CSMD2: variants seen among roughly 807,000 people sequenced by gnomAD.
The protein encoded by CSMD2 is CUB and Sushi multiple domains 2.
A neutral mutation model predicts 398.5 loss-of-function variants in CSMD2; 130 were observed. That is an observed-to-expected ratio of 0.33 (90% CI 0.28 to 0.38). The LOEUF (loss-of-function observed/expected upper bound fraction) is 0.38, where lower values mean the gene tolerates loss of function less well. CSMD2 is among the 10% of genes least tolerant of loss of function. CSMD2 has a pLI of 1.00. For missense variants in CSMD2, 3,829 were observed against 4,764.9 expected (o/e 0.80, Z 5.78); for synonymous variants, 1,828 against 1,908.5 (o/e 0.96, Z 1.10).
chr1:33,835,929 G>C (rs1660201448), intron 6 of CSMD2, among the ~76,000 whole-genome samples: 1 of 152,176 alleles, frequency 6.6e-6, no homozygotes, highest in Admixed American at 6.5e-5. Context: ...TTTGGAGGAG[G>C]AGAGGAGCTC....
Position 33,954,406 on chromosome 1 carries a change from G to T in CSMD2, c.518-18452C>A, listed in dbSNP as rs180761807. Among the ~76,000 whole-genome samples, 588 of 151,988 alleles carry T rather than the reference G, an allele frequency of 3.9e-3. 5 individuals carry two copies. The highest frequency in any genetic ancestry group is 0.013 in the African/African-American group (558 of 41,416). On this transcript the variant is annotated intron_variant, in intron 3 of 70. Coordinates refer to ENST00000373381, the MANE Select transcript of CSMD2 (RefSeq NM_001281956.2). The stretch of plus-strand genomic sequence containing the variant: ...TGGGGGTGGCAGTTCTGTTGGTGGT[G>T]GGGGGAGGGAACACTGACTTAACTC...
rs1378666013 is a variant in CSMD2, at chr1:33,519,381, G to A, written c.*53+84C>T. Reference sequence around the variant, plus strand: ...CTGGGTGTGTCTATGTGGTGTGTGCGACTCCGTTGGGTGGAGCCCCTGGCA... The same window carrying A: ...CTGGGTGTGTCTATGTGGTGTGTGCAACTCCGTTGGGTGGAGCCCCTGGCA... On this transcript the variant is annotated intron_variant, in intron 70 of 70. Coordinates refer to ENST00000373381, the MANE Select transcript of CSMD2 (RefSeq NM_001281956.2). This position sits in a 1 kb window ranked among gnomAD's most constrained non-coding sequence, Gnocchi z 5.6. The A allele has an allele frequency of 5.0e-6, 4 of 793,016 alleles. No individual in the cohort carries two copies. The highest frequency in any genetic ancestry group is 1.6e-5 in the South Asian group (1 of 61,648). 49.1% of individuals were successfully genotyped at this position (793,016 alleles called of 1,614,324 possible).
At chr1:33,825,810 G>T in intron 6 of CSMD2, 36 bp from the exon 7 acceptor site, 1 of 1,562,722 alleles carries the variant, frequency 6.4e-7, no homozygotes, top group Non-Finnish European at 8.8e-7. Flanking sequence ...AATGTGAGTT[G>T]TTGCCTGTGA....
Position 33,572,568 on chromosome 1 carries a change from G to A in CSMD2, c.7700C>T (p.Ala2567Val). Residue 2567 changes from alanine to valine, a missense_variant, in exon 50 of 71, where the codon GCC becomes GTC. This residue lies in a region of CSMD2 where 723 missense variants were observed against 758.6 expected (regional missense o/e 0.95). Transcript: ENST00000373381. The stretch of plus-strand genomic sequence containing the variant: ...GCCTGTGTCCAGACACTCTGCAGTG[G>A]CCTCAGCGCCTGCCTGGAGGTGGTA... ...EGYHLQAGAE[A>V]TAECLDTGLW... The A allele has an allele frequency of 6.2e-7, 1 of 1,614,090 alleles. No homozygotes were observed. Among genetic ancestry groups the A allele is most frequent in the Non-Finnish European group, 8.5e-7 (1 of 1,180,004 alleles).
chr1:33,839,436 AC>A, intron 6 of CSMD2: 1 of 154,952 alleles, frequency 6.5e-6, no homozygotes, highest in Non-Finnish European at 1.5e-5. Context: ...AGAGAGCTTG[AC>A]CCTAAAGCTT....
In CSMD2 at chr1:33,735,267, C is replaced by A. The variant is rs567131925; in HGVS notation, c.2368+3873G>T. The stretch of plus-strand genomic sequence containing the variant: ...GCAGGTGACTTAACCTGTCTGTGTC[C>A]TAGCAGGGACAATAACGACATCTAT... On this transcript the variant is annotated intron_variant, in intron 15 of 70. Transcript: ENST00000373381. Among the ~76,000 whole-genome samples, 8 of 152,268 alleles carry A rather than the reference C, an allele frequency of 5.3e-5. No homozygotes were observed. In the East Asian group the frequency reaches 1.5e-3, roughly 29 times the overall value.
At chr1:33,806,446 C>T (rs1409215905) in intron 10 of CSMD2, among the ~76,000 whole-genome samples, 1 of 152,122 alleles carries the variant, frequency 6.6e-6, no homozygotes, top group Non-Finnish European at 1.5e-5. Flanking sequence ...TCTGGAAGAA[C>T]CCACCATCCA....
At chr1:34,028,150 C>A (rs573449108) in intron 3 of CSMD2, among the ~76,000 whole-genome samples, 1 of 152,174 alleles carries the variant, frequency 6.6e-6, no homozygotes, top group Admixed American at 6.5e-5. Flanking sequence ...GAAACCCTAT[C>A]TTTACCAAAA....
intron 25 of CSMD2, among the ~76,000 whole-genome samples, chr1:33,687,264 C>T (rs958860523): frequency 5.3e-5 from 8 of 152,146 alleles, no homozygotes; most frequent in African/African-American, 1.4e-4. Flanking sequence ...AACTGACAAC[C>T]ATTGTAAAAC....
chr1:33,877,588 C>T (rs149735381), intron 5 of CSMD2, among the ~76,000 whole-genome samples: 4 of 152,274 alleles, frequency 2.6e-5, no homozygotes, highest in Non-Finnish European at 4.4e-5. Flanking sequence ...CTGGTATTTA[C>T]AGAGCTCCCT....
intron 1 of CSMD2, among the ~76,000 whole-genome samples, chr1:34,114,918 A>G (rs1661459326): frequency 6.6e-6 from 1 of 152,194 alleles, no homozygotes; most frequent in African/African-American, 2.4e-5. Flanking sequence ...ATACAAGATC[A>G]AACAGAAATT....
Position 33,519,982 on chromosome 1 carries a change from A to G in CSMD2, c.10598-32T>C, listed in dbSNP as rs1206563876. On this transcript the variant is annotated intron_variant, in intron 68 of 70. Transcript: ENST00000373381. This position sits in a 1 kb window ranked among gnomAD's most constrained non-coding sequence, Gnocchi z 5.6. ...AGTCCCAAAGCAGAAAAGTCAAGTC[A>G]CGAGACACAGTCTGAGGCTCCGTTG... is the stretch of plus-strand genomic sequence containing the variant. The G allele has an allele frequency of 1.2e-6, 2 of 1,611,968 alleles. No individual in the cohort carries two copies. Among genetic ancestry groups the G allele is most frequent in the Non-Finnish European group, 8.5e-7 (1 of 1,178,334 alleles).
chr1:34,135,578 A>G (rs539445761), intron 1 of CSMD2, among the ~76,000 whole-genome samples: 76 of 130,432 alleles, frequency 5.8e-4, no homozygotes, highest in African/African-American at 2.1e-3. Context: ...AGATCACGCC[A>G]CTGCACTCCA....
intron 41 of CSMD2, among the ~76,000 whole-genome samples, chr1:33,609,273 G>A (rs567436242): frequency 2.6e-5 from 4 of 152,274 alleles, no homozygotes; most frequent in South Asian, 2.1e-4. Context: ...CACCCACCTC[G>A]TGGGATGCCC....
chr1:34,134,818 G>A (rs1203876286), intron 1 of CSMD2, among the ~76,000 whole-genome samples: 1 of 152,188 alleles, frequency 6.6e-6, no homozygotes, highest in Non-Finnish European at 1.5e-5. Context: ...TGGGAAACAT[G>A]AAAAGATGCT....
intron 2 of CSMD2, among the ~76,000 whole-genome samples, chr1:34,072,533 T>C (rs956942762): frequency 3.9e-5 from 6 of 152,140 alleles, no homozygotes; most frequent in African/African-American, 1.4e-4. Context: ...GAATGTTGCG[T>C]CTTTGACCAA....
intron 55 of CSMD2, among the ~76,000 whole-genome samples, chr1:33,552,773 CTGGGGTGGGGTGGGCAA>C (rs1404739117): frequency 1.1e-4 from 16 of 151,732 alleles, no homozygotes; most frequent in Non-Finnish European, 1.9e-4. Flanking sequence ...TTGCCAGAAG[CTGGGGTGGGGTGGGCAA>C]TGGGGAGTGA....
chr1:34,052,466 G>C (rs1024040919), intron 2 of CSMD2, among the ~76,000 whole-genome samples: 2 of 148,940 alleles, frequency 1.3e-5, no homozygotes, highest in South Asian at 2.2e-4. Context: ...ATGGGGGGGG[G>C]GTCGAGAAAT....
At chr1:33,905,863 T>G (rs1384912318) in intron 5 of CSMD2, among the ~76,000 whole-genome samples, 1 of 152,200 alleles carries the variant, frequency 6.6e-6, no homozygotes, top group African/African-American at 2.4e-5. Flanking sequence ...ACCAAGCATC[T>G]CATCTGCTCA....
Sources: allele counts gnomAD v4.1 joint callset (sites outside exome capture counted in the v4.1 genomes callset), GRCh38; gene constraint gnomAD v4.1.1; regional missense constraint gnomAD v4.1.1; non-coding constraint Gnocchi (gnomAD v3.1); transcripts MANE v1.5; gene names NCBI Gene and HGNC (gene_info 2026-07-23, HGNC 2026-07-21).